WDR74: variants seen among roughly 807,000 people sequenced by gnomAD.
WDR74 encodes WD repeat domain 74, also known as WD repeat-containing protein 74.
In WDR74, 31 loss-of-function variants were observed where a neutral mutation model predicts 45.6. The ratio of observed to expected loss-of-function variants is 0.68; its 90% CI spans 0.51 to 0.92. The LOEUF is 0.92. Ranked by LOEUF, WDR74 falls within the 40% of genes least tolerant of loss-of-function variation. The pLI is 0.00. For missense variants in WDR74, 455 were observed against 497.2 expected, an observed-to-expected ratio of 0.92 and a Z score of 0.81; for synonymous variants, 191 against 192.4, an observed-to-expected ratio of 0.99 and a Z score of 0.06.
At chr11:62,841,373 G>C (rs925589481), upstream of WDR74, among the ~76,000 whole-genome samples, 1 of 152,042 alleles carries the variant, frequency 6.6e-6, no homozygotes, top group Non-Finnish European at 1.5e-5. Flanking sequence ...GGTGGCAAGC[G>C]CTCAATAGTT....
chr11:62,841,716 T>C (rs1015468727), upstream of WDR74: 1 of 152,194 alleles, frequency 6.6e-6, no homozygotes, highest in Non-Finnish European at 1.5e-5. Context: ...AAAAATCCAT[T>C]TAATATATTG....
chr11:62,841,186 G>A (rs1276831034), upstream of WDR74, among the ~76,000 whole-genome samples: 2 of 152,094 alleles, frequency 1.3e-5, no homozygotes, highest in African/African-American at 4.8e-5. Context: ...GCGTGGTGGC[G>A]GGCGCCTGTA....
chr11:62,840,828 A>G (rs1417395875), upstream of WDR74, among the ~76,000 whole-genome samples: 2 of 151,980 alleles, frequency 1.3e-5, no homozygotes, highest in Non-Finnish European at 2.9e-5. Context: ...GCCCGCCCCA[A>G]CCTCCCGAAG....
At chr11:62,840,448 A>T (rs1590991803), upstream of WDR74, 1 of 150,924 alleles carries the variant, frequency 6.6e-6, no homozygotes, top group Non-Finnish European at 1.5e-5. Flanking sequence ...GCGCCACTGC[A>T]CTCCAGCCTG....
chr11:62,834,554 A>G (rs1266923430), intron 6 of WDR74, 27 bp from the exon 7 acceptor site: 3 of 1,590,086 alleles, frequency 1.9e-6, no homozygotes, highest in East Asian at 4.5e-5. Context: ...GCATCACAAA[A>G]GTATCCTCAC....
intron 6 of WDR74, chr11:62,835,225 G>A: frequency 1.7e-6 from 1 of 573,534 alleles, no homozygotes; most frequent in Non-Finnish European, 3.1e-6. Flanking sequence ...CCAGGTGGGA[G>A]GAAAACAGGC....
rs1299972771 is a variant in WDR74 at position 62,839,202 on chromosome 11, G to C, written c.205C>G (p.His69Asp). ...AATATGCCATCCTCGGTGCTGAAGT[G>C]CTTCACCGTCCTGTCCGCGCAGCCC... is the stretch of plus-strand genomic sequence containing the variant. ...LVGCADRTVK[H>D]FSTEDGIFQG... Residue 69 changes from histidine to aspartate, a missense_variant, in exon 3 of 11, where the codon CAC (histidine) becomes GAC (aspartate). Coordinates refer to ENST00000278856, the MANE Select transcript of WDR74 (RefSeq NM_001369450.1). 6.2e-7 allele frequency: 1 copy of C among 1,613,572 alleles called. No homozygotes were observed. The highest frequency in any genetic ancestry group is 1.3e-5 in the African/African-American group (1 of 74,936).
At chr11:62,833,247 C>A in intron 10 of WDR74, 116 bp from the exon 11 acceptor site, 1 of 899,100 alleles carries the variant, frequency 1.1e-6, no homozygotes, top group South Asian at 1.6e-5. Context: ...CAGGACTTAG[C>A]GACCAGACTG....
chr11:62,835,234 G>GCA, intron 6 of WDR74, 197 bp downstream of exon 6: 1 of 582,854 alleles, frequency 1.7e-6, no homozygotes, highest in Non-Finnish European at 3.1e-6. Flanking sequence ...AGGAAAACAG[G>GCA]CATAGTTCAG....
chr11:62,841,490 A>C (rs924579814), upstream of WDR74: 1 of 152,206 alleles, frequency 6.6e-6, no homozygotes, highest in Non-Finnish European at 1.5e-5. Flanking sequence ...AGACACTCAA[A>C]CACGCGTCAT....
upstream of WDR74, chr11:62,839,632 T>G (rs1590991142): frequency 6.5e-7 from 1 of 1,544,978 alleles, no homozygotes; most frequent in East Asian, 2.3e-5. Context: ...CCAGCGGGCG[T>G]CGAGTCCGAT....
At position 62,835,998 on chromosome 11, in the gene WDR74, ACT is replaced by A. The variant is rs551642087; in HGVS notation, c.330_331del (p.Arg110SerfsTer4). ...TGTGTCCTTGTCCTTGTCATGCCAGACTCTGAGAATCCCAGAATCCACACATG... is the reference window on the plus strand; with the variant it reads ...TGTGTCCTTGTCCTTGTCATGCCAGACTGAGAATCCCAGAATCCACACATG... On this transcript the variant is annotated frameshift_variant, in exon 4 of 11. Transcript: ENST00000278856. LOFTEE classifies it high-confidence loss of function. 5.7e-5 allele frequency: 91 copies of A among 1,597,642 alleles called. No individual in the cohort carries two copies. Among genetic ancestry groups the A allele is most frequent in the Non-Finnish European group, 8.5e-6 (10 of 1,172,212 alleles).
rs985298287 is a variant in WDR74, at chr11:62,833,760, A to G, written c.921+32T>C. 7 of 1,610,154 alleles carry G rather than the reference A, an allele frequency of 4.3e-6. No individual in the cohort carries two copies. The African/African-American group carries it at 6.7e-5, about 15-fold the overall frequency. On this transcript the variant is annotated intron_variant, in intron 9 of 10. Transcript: ENST00000278856. Reference sequence around the variant, plus strand: ...GCACAGGAGGCGGGGCCTCCACAAGACCATGAGTTGGAGGTGGGAGAGACA... The same window carrying G: ...GCACAGGAGGCGGGGCCTCCACAAGGCCATGAGTTGGAGGTGGGAGAGACA...
chr11:62,838,396 C>T (rs2084990357), intron 3 of WDR74, among the ~76,000 whole-genome samples: 1 of 151,426 alleles, frequency 6.6e-6, no homozygotes, highest in South Asian at 2.1e-4. Flanking sequence ...CTCAAGTGAT[C>T]CACCTATCTC....
At chr11:62,835,402 G>C in intron 6 of WDR74, 29 bp downstream of exon 6, 1 of 1,605,706 alleles carries the variant, frequency 6.2e-7, no homozygotes, top group Non-Finnish European at 8.5e-7. Context: ...TTTATCCCAG[G>C]AGAAGGCAGG....
upstream of WDR74, chr11:62,841,695 C>CTCCTA (rs2085063735): frequency 6.6e-6 from 1 of 152,222 alleles, no homozygotes; most frequent in Non-Finnish European, 1.5e-5. Context: ...CCTATTCCAT[C>CTCCTA]TCCTATTTCC....
chr11:62,836,649 C>G (rs576336895), intron 3 of WDR74: 1 of 155,678 alleles, frequency 6.4e-6, no homozygotes, highest in Non-Finnish European at 1.4e-5. Context: ...CCTGCCAACC[C>G]TCCCTAGCTG....
At chr11:62,838,523 C>T (rs1244828157) in intron 3 of WDR74, among the ~76,000 whole-genome samples, 2 of 151,728 alleles carry the variant, frequency 1.3e-5, no homozygotes, top group African/African-American at 4.8e-5. Flanking sequence ...CTTTGGGAGT[C>T]CGAGGCAGGT....
At chr11:62,841,253 G>A (rs894235586), upstream of WDR74, among the ~76,000 whole-genome samples, 2 of 152,158 alleles carry the variant, frequency 1.3e-5, no homozygotes, top group Non-Finnish European at 2.9e-5. Context: ...GGAGGCGGAT[G>A]TTGCAGTGAG....
Sources: allele counts gnomAD v4.1 joint callset (sites outside exome capture counted in the v4.1 genomes callset), GRCh38; gene constraint gnomAD v4.1.1; transcripts MANE v1.5; gene names NCBI Gene and HGNC (gene_info 2026-07-23, HGNC 2026-07-21).